Variants in PDZRN3 observed in about 807,000 individuals in gnomAD.
PDZRN3 encodes PDZ domain containing ring finger 3, also known as E3 ubiquitin-protein ligase PDZRN3.
Under a neutral mutation model 85.7 loss-of-function variants are expected in PDZRN3, and 38 were observed. The ratio of observed to expected loss-of-function variants is 0.44; its 90% CI spans 0.34 to 0.58. PDZRN3 has a LOEUF of 0.58. Among genes scored for constraint, PDZRN3 ranks in the 20% least tolerant of loss-of-function variants. The probability of loss-of-function intolerance (pLI) is 0.01; values close to 1 mark genes in which losing one functional copy is unlikely to be tolerated. For missense variants in PDZRN3, 1,629 were observed against 1,506.4 expected (o/e 1.08, Z -1.35); for synonymous variants, 759 against 638.0 (o/e 1.19, Z -2.86).
chr3:73,521,566 T>C (rs1042696332), intron 3 of PDZRN3, among the ~76,000 whole-genome samples: 8 of 152,156 alleles, frequency 5.3e-5, no homozygotes, highest in Admixed American at 1.3e-4. Flanking sequence ...TGAGATGCAC[T>C]TCCAGAGGGC....
chr3:73,529,404 T>C (rs762579595), intron 3 of PDZRN3, among the ~76,000 whole-genome samples: 60 of 152,312 alleles, frequency 3.9e-4, no homozygotes, highest in Non-Finnish European at 7.5e-4. Context: ...ACCTGAGGTT[T>C]CTCTGCTACA....
intron 3 of PDZRN3, among the ~76,000 whole-genome samples, chr3:73,438,191 A>C (rs1227813970): frequency 1.3e-5 from 2 of 152,180 alleles, no homozygotes; most frequent in East Asian, 3.9e-4. Context: ...ACCAAGGAAC[A>C]CACAATGAGA....
intron 3 of PDZRN3, among the ~76,000 whole-genome samples, chr3:73,593,709 TACACACACACAC>T (rs57922621): frequency 1.0e-3 from 149 of 141,926 alleles, no homozygotes; most frequent in East Asian, 0.01. Context: ...GAAATAAATA[TACACACACACAC>T]ACACACACAC....
intron 3 of PDZRN3, among the ~76,000 whole-genome samples, chr3:73,552,705 G>A (rs116257973): frequency 5.9e-5 from 9 of 152,270 alleles, no homozygotes; most frequent in East Asian, 5.8e-4. Context: ...GTATGTTTAC[G>A]GATTATTTGC....
intron 3 of PDZRN3, among the ~76,000 whole-genome samples, chr3:73,472,022 C>T (rs1034322941): frequency 1.3e-5 from 2 of 152,198 alleles, no homozygotes; most frequent in African/African-American, 4.8e-5. Context: ...ATGTCTTAAG[C>T]TGAAGTGCCA....
intron 3 of PDZRN3, among the ~76,000 whole-genome samples, chr3:73,559,625 T>C (rs1008437505): frequency 3.9e-5 from 6 of 152,248 alleles, no homozygotes; most frequent in South Asian, 4.1e-4. Context: ...GGCCACCTTC[T>C]AGTTACTGCA....
intron 3 of PDZRN3, among the ~76,000 whole-genome samples, chr3:73,469,231 C>A (rs1409217444): frequency 6.6e-6 from 1 of 152,058 alleles, no homozygotes; most frequent in East Asian, 1.9e-4. Flanking sequence ...CACCACCATG[C>A]CCAGATAATT....
chr3:73,587,863 C>A (rs1404006382), intron 3 of PDZRN3, among the ~76,000 whole-genome samples: 1 of 152,196 alleles, frequency 6.6e-6, no homozygotes, highest in Non-Finnish European at 1.5e-5. Context: ...ATCCAAGTCA[C>A]TCCATTGTCA....
chr3:73,490,810 C>T (rs1413324273), intron 3 of PDZRN3, among the ~76,000 whole-genome samples: 5 of 152,222 alleles, frequency 3.3e-5, no homozygotes, highest in African/African-American at 7.2e-5. Flanking sequence ...GGCTACCGCT[C>T]CCTGTATCCC....
At chr3:73,389,791 G>A (rs779202450) in intron 7 of PDZRN3, 25 bp downstream of exon 7, 18 of 1,560,734 alleles carry the variant, frequency 1.2e-5, no homozygotes, top group East Asian at 2.2e-5. Flanking sequence ...CCCATCATGA[G>A]GCCATTGTTT....
At chr3:73,581,217 T>C (rs1208006251) in intron 3 of PDZRN3, among the ~76,000 whole-genome samples, 1 of 152,262 alleles carries the variant, frequency 6.6e-6, no homozygotes, top group African/African-American at 2.4e-5. Flanking sequence ...GGTTTGCTTA[T>C]GATGTTTTTT....
chr3:73,607,101 C>A (rs1316681034), intron 2 of PDZRN3, among the ~76,000 whole-genome samples: 3 of 152,266 alleles, frequency 2.0e-5, no homozygotes, highest in Admixed American at 1.3e-4. Flanking sequence ...CTTGTATGAG[C>A]GCCAATCCCC....
At chr3:73,493,670 G>C (rs939077753) in intron 3 of PDZRN3, among the ~76,000 whole-genome samples, 5 of 152,082 alleles carry the variant, frequency 3.3e-5, no homozygotes, top group Non-Finnish European at 7.4e-5. Context: ...CTCTCAACAG[G>C]GTTCCACTTA....
intron 3 of PDZRN3, among the ~76,000 whole-genome samples, chr3:73,576,438 G>T (rs1702124312): frequency 1.3e-5 from 2 of 152,142 alleles, no homozygotes; most frequent in South Asian, 4.2e-4. Context: ...CTAGGTTCCA[G>T]TGTGCCAAAG....
At chr3:73,574,452 T>TGGGGGGGGG (rs776864460) in intron 3 of PDZRN3, among the ~76,000 whole-genome samples, 51 of 23,476 alleles carry the variant, frequency 2.2e-3, no homozygotes, top group Non-Finnish European at 2.7e-3. Flanking sequence ...TTTTTTTGGC[T>TGGGGGGGGG]GGGGTGGGGG....
At chr3:73,391,685 T>C in intron 5 of PDZRN3, among the ~76,000 whole-genome samples, 1 of 152,190 alleles carries the variant, frequency 6.6e-6, no homozygotes, top group East Asian at 1.9e-4. Flanking sequence ...GCAAATTAAA[T>C]AAGAGAAAAG....
intron 3 of PDZRN3, among the ~76,000 whole-genome samples, chr3:73,464,946 T>C (rs532035224): frequency 2.6e-5 from 4 of 152,376 alleles, no homozygotes; most frequent in South Asian, 2.1e-4. Flanking sequence ...TGTTGTACAA[T>C]AGATCTCTTG....
At position 73,624,446 on chromosome 3, in the gene PDZRN3, T is replaced by A; in HGVS notation, c.380A>T (p.Glu127Val). Residue 127 changes from glutamate to valine, a missense_variant, in exon 1 of 10, where the codon GAG (glutamate) becomes GTG (valine). Glu to Val is a moderately radical substitution (Grantham distance 121, BLOSUM62 -2). Coordinates refer to ENST00000263666, the MANE Select transcript of PDZRN3 (RefSeq NM_015009.3). ...CGQVLLRRDV[E>V]AHMRDACDAR... ...GTCGCAGGCGTCGCGCATGTGCGCCTCCACGTCGCGCCGCAGCAGCACCTG... is the reference window on the plus strand; with the variant it reads ...GTCGCAGGCGTCGCGCATGTGCGCCACCACGTCGCGCCGCAGCAGCACCTG... 1 of 1,344,876 alleles carries A rather than the reference T, an allele frequency of 7.4e-7. No individual in the cohort carries two copies. 83.3% of individuals were successfully genotyped at this position (1,344,876 alleles called of 1,614,324 possible).
At chr3:73,433,838 T>C in intron 3 of PDZRN3, 1 of 1,456,576 alleles carries the variant, frequency 6.9e-7, no homozygotes, top group South Asian at 1.4e-5. Context: ...CGCTTCACAT[T>C]GGCGCTGCTC....
Sources: gnomAD v4.1 joint callset for allele counts (sites outside exome capture counted in the v4.1 genomes callset) on GRCh38, gnomAD v4.1.1 for gene constraint, MANE v1.5 for transcripts, NCBI Gene and HGNC (gene_info 2026-07-23, HGNC 2026-07-21) for gene names.